CD22: variants seen among roughly 807,000 people sequenced by gnomAD.
CD22 encodes the protein CD22 molecule.
A neutral mutation model predicts 94.7 loss-of-function variants in CD22; 51 were observed. The observed-to-expected ratio is 0.54, with a 90% CI of 0.43 to 0.68. CD22 has a LOEUF of 0.68. CD22 is among the 30% of genes least tolerant of loss of function. The pLI, the probability that CD22 is intolerant of heterozygous loss-of-function variation, is 0.00. For synonymous variants in CD22, 424 were observed against 422.5 expected, an observed-to-expected ratio of 1.00 and a Z score of -0.04; for missense variants, 931 against 1,060.4, an observed-to-expected ratio of 0.88 and a Z score of 1.69.
rs1407293789 is a variant in CD22 at position 35,332,916 on chromosome 19, A to G, written c.404A>G (p.Asn135Ser). The change falls in exon 3 of 14, where the codon AAT (asparagine) becomes AGT (serine). Residue 135 changes from asparagine to serine, a missense_variant. Transcript: ENST00000085219. ...TEKWMERIHL[N>S]VSERPFPPHI... is the part of the protein sequence containing the mutation. ...AAATGGATGGAACGAATACACCTCA[A>G]TGTCTCTGGTAAGGCCTTCGGGGAG... is the stretch of plus-strand genomic sequence containing the variant. 4.3e-6 allele frequency: 7 copies of G among 1,613,232 alleles called. No individual in the cohort carries two copies. Among genetic ancestry groups the G allele is most frequent in the Admixed American group, 3.3e-5 (2 of 59,982 alleles).
Position 35,332,427 on chromosome 19 carries a change from C to T in CD22, c.35-120C>T, listed in dbSNP as rs1044320088. ...AGGAGTTCAAGGCCAGCTTGGACAA[C>T]ATAGCAAGACCCCTATCTCTAAAAA... On this transcript the variant is annotated intron_variant, in intron 2 of 13. Transcript: ENST00000085219. 9 of 1,092,924 alleles carry T rather than the reference C, an allele frequency of 8.2e-6. No homozygotes were observed. In the African/African-American group the frequency reaches 1.3e-4, roughly 15 times the overall value. The allele number at this position is 1,092,924 out of a possible 1,614,324, so 67.7% of individuals were successfully genotyped here.
rs370423783 is a variant in CD22 at position 35,332,649 on chromosome 19, A to G, written c.137A>G (p.Tyr46Cys). 2.0e-5 allele frequency: 33 copies of G among 1,614,086 alleles called. 1 individual carries two copies. The Middle Eastern group carries it at 6.6e-4, about 32-fold the overall frequency. ...EGACVWIPCTYRALDGDLESF... is the reference protein window; with the variant it reads ...EGACVWIPCTCRALDGDLESF... Reference sequence around the variant, plus strand: ...GCCTGCGTCTGGATCCCCTGCACCTACAGAGCCCTAGATGGTGACCTGGAA... The same window carrying G: ...GCCTGCGTCTGGATCCCCTGCACCTGCAGAGCCCTAGATGGTGACCTGGAA... The change falls in exon 3 of 14, where the codon TAC becomes TGC. Residue 46 changes from tyrosine (Y) to cysteine (C), a missense_variant. Tyr to Cys is a radical substitution (Grantham distance 194, BLOSUM62 -2). Coordinates refer to ENST00000085219, the MANE Select transcript of CD22 (RefSeq NM_001771.4).
At chr19:35,345,848 A>T (rs4805119) in intron 12 of CD22, 128 bp downstream of exon 12, 1 of 721,924 alleles carries the variant, frequency 1.4e-6, no homozygotes, top group Non-Finnish European at 2.4e-6. Context: ...CCTCATTCCC[A>T]CTCGGCAACA....
At chr19:35,339,671 C>A (rs1339596817) in intron 6 of CD22, among the ~76,000 whole-genome samples, 1 of 152,272 alleles carries the variant, frequency 6.6e-6, no homozygotes, top group South Asian at 2.1e-4. Flanking sequence ...GCCTGGCCAA[C>A]ATGGCGAAAC....
At chr19:35,336,436 TGCACAGACGGCGGCA>T in intron 4 of CD22, 95 bp downstream of exon 4, 1 of 1,249,036 alleles carries the variant, frequency 8.0e-7, no homozygotes, top group Non-Finnish European at 1.1e-6. Context: ...GGGGGAAGCC[TGCACAGACGGCGGCA>T]TCCTCCAGCC....
In CD22 at chr19:35,341,077, C is replaced by G; in HGVS notation, c.1446C>G (p.Ile482Met). ...ACGTTGGCTGGGACAACACAACCAT[C>G]GCCTGCGCAGCTTGTAATAGTTGGT... ...IQNVGWDNTT[I>M]ACAACNSWCS... Residue 482 changes from isoleucine (I) to methionine (M), a missense_variant, in exon 7 of 14, where the codon ATC (isoleucine) becomes ATG (methionine). Transcript: ENST00000085219. The surrounding 1 kb of genome is among the most constrained non-coding windows in gnomAD (Gnocchi z 4.0). 3 of 1,614,170 alleles carry G rather than the reference C, an allele frequency of 1.9e-6. No homozygotes were observed. The highest frequency in any genetic ancestry group is 2.5e-6 in the Non-Finnish European group (3 of 1,180,032).
Position 35,341,084 on chromosome 19 carries a change from G to A in CD22, c.1453G>A (p.Ala485Thr), listed in dbSNP as rs140331196. Reference sequence around the variant, plus strand: ...CTGGGACAACACAACCATCGCCTGCGCAGCTTGTAATAGTTGGTGCTCGTG... The same window carrying A: ...CTGGGACAACACAACCATCGCCTGCACAGCTTGTAATAGTTGGTGCTCGTG... ...VGWDNTTIACAACNSWCSWAS... is the reference protein window; with the variant it reads ...VGWDNTTIACTACNSWCSWAS... The change falls in exon 7 of 14, where the codon GCA (alanine) becomes ACA (threonine). Residue 485 changes from alanine to threonine, a missense_variant. Transcript: ENST00000085219. This position sits in a 1 kb window ranked among gnomAD's most constrained non-coding sequence, Gnocchi z 4.0. 10 of 1,614,148 alleles carry A rather than the reference G, an allele frequency of 6.2e-6. No homozygotes were observed. Among genetic ancestry groups the A allele is most frequent in the East Asian group, 2.2e-5 (1 of 44,884 alleles).
Position 35,346,799 on chromosome 19 carries a change from C to A in CD22, c.*102C>A. The A allele has an allele frequency of 1.0e-6, 1 of 1,001,764 alleles. No individual in the cohort carries two copies. The highest frequency in any genetic ancestry group is 1.5e-6 in the Non-Finnish European group (1 of 684,618). The allele number at this position is 1,001,764 out of a possible 1,614,324, so 62.1% of individuals were successfully genotyped here. The stretch of plus-strand genomic sequence containing the variant: ...CATGGCTTCCTCCTGCGCGCATGTG[C>A]GCACACACACACACACACGCACACA... On this transcript the variant is annotated 3_prime_UTR_variant, in exon 14 of 14. Transcript: ENST00000085219.
At chr19:35,340,716 G>T (rs1312598036) in intron 6 of CD22, among the ~76,000 whole-genome samples, 165 bp from the exon 7 acceptor site, 3 of 152,232 alleles carry the variant, frequency 2.0e-5, no homozygotes, top group African/African-American at 7.2e-5. Flanking sequence ...CCAGGGCAGG[G>T]TTTCTGTTCT....
chr19:35,339,517 G>A (rs185749497), intron 6 of CD22, among the ~76,000 whole-genome samples: 5 of 147,900 alleles, frequency 3.4e-5, no homozygotes, highest in South Asian at 2.2e-4. Flanking sequence ...TGATCATGCC[G>A]CTGCACTCCA....
In CD22 at chr19:35,341,311, G is replaced by A. The variant is rs79726843; in HGVS notation, c.1508-32G>A. On this transcript the variant is annotated intron_variant, in intron 7 of 13. Transcript: ENST00000085219. This position sits in a 1 kb window ranked among gnomAD's most constrained non-coding sequence, Gnocchi z 4.0. ...GGGGACAGCAAAAGGGACAGGGAGC[G>A]GAGAGGTCAGCTTGGGACCCTTGCC... 1.2e-4 allele frequency: 197 copies of A among 1,608,250 alleles called. No individual in the cohort carries two copies. The East Asian group carries it at 3.0e-3, about 24-fold the overall frequency.
Position 35,332,650 on chromosome 19 carries a change from C to T in CD22, c.138C>T (p.Tyr46=), listed in dbSNP as rs777890369. 1.2e-6 allele frequency: 2 copies of T among 1,614,108 alleles called. No individual in the cohort carries two copies. The highest frequency in any genetic ancestry group is 3.3e-5 in the Admixed American group (2 of 60,028). ...CCTGCGTCTGGATCCCCTGCACCTA[C>T]AGAGCCCTAGATGGTGACCTGGAAA... ...EGACVWIPCT[Y]RALDGDLESF... The change falls in exon 3 of 14, where the codon TAC becomes TAT. Residue 46 remains tyrosine (Y), a synonymous_variant. Coordinates refer to ENST00000085219, the MANE Select transcript of CD22 (RefSeq NM_001771.4).
chr19:35,342,572 C>T (rs1397116940), intron 9 of CD22, among the ~76,000 whole-genome samples: 2 of 152,144 alleles, frequency 1.3e-5, no homozygotes, highest in Non-Finnish European at 2.9e-5. Context: ...TGTCCCCTTT[C>T]CCATTCACAC....
rs149699063 is a variant in CD22 at position 35,336,000 on chromosome 19, C to T, written c.413-36C>T. On this transcript the variant is annotated intron_variant, in intron 3 of 13. Transcript: ENST00000085219. ...CCAGGTGTACGCTCACGTCCTCAGT[C>T]CCCCAGGCTCCTGCACGGGCTCTGT... 17 of 1,579,870 alleles carry T rather than the reference C, an allele frequency of 1.1e-5. No homozygotes were observed. In the African/African-American group the frequency reaches 1.9e-4, roughly 18 times the overall value.
In CD22 at chr19:35,336,027, C is replaced by T. The variant is rs747372893; in HGVS notation, c.413-9C>T. 4 of 1,610,724 alleles carry T rather than the reference C, an allele frequency of 2.5e-6. No homozygotes were observed. The highest frequency in any genetic ancestry group is 1.7e-5 in the Admixed American group (1 of 59,712). ...CCCAGGCTCCTGCACGGGCTCTGTT[C>T]TTTTGCAGAAAGGCCTTTTCCACCT... On this transcript the variant is annotated splice_polypyrimidine_tract_variant and intron_variant, in intron 3 of 13. Coordinates refer to ENST00000085219, the MANE Select transcript of CD22 (RefSeq NM_001771.4).
intron 9 of CD22, among the ~76,000 whole-genome samples, 182 bp downstream of exon 9, chr19:35,342,147 C>G (rs935228810): frequency 1.3e-5 from 2 of 150,840 alleles, no homozygotes; most frequent in Non-Finnish European, 3.0e-5. Flanking sequence ...CTCTCCTCCT[C>G]CTCTTTCTTC....
chr19:35,331,853 A>T, intron 1 of CD22, 166 bp from the exon 2 acceptor site: 1 of 1,417,808 alleles, frequency 7.1e-7, no homozygotes, highest in Non-Finnish European at 9.4e-7. Flanking sequence ...TCTCAAAAAA[A>T]AAGAAAGAAC....
chr19:35,343,571 A>G (rs66964307), intron 9 of CD22, among the ~76,000 whole-genome samples: 18,049 of 152,062 alleles, frequency 0.12, 1,374 homozygotes, highest in African/African-American at 0.22. Context: ...TTCTGTATCT[A>G]TGCATACACA....
rs1298005204 is a variant in CD22 at position 35,336,300 on chromosome 19, G to T, written c.677G>T (p.Gly226Val). Reference sequence around the variant, plus strand: ...ACCTGCCAGCTTCAGGATGCAGATGGGAAGTTCCTCTCCAATGACACGGTG... The same window carrying T: ...ACCTGCCAGCTTCAGGATGCAGATGTGAAGTTCCTCTCCAATGACACGGTG... ...IVTCQLQDADGKFLSNDTVQL... is the reference protein window; with the variant it reads ...IVTCQLQDADVKFLSNDTVQL... Residue 226 changes from glycine (G) to valine (V), a missense_variant, in exon 4 of 14, where the codon GGG becomes GTG. Coordinates refer to ENST00000085219, the MANE Select transcript of CD22 (RefSeq NM_001771.4). 2 of 1,614,106 alleles carry T rather than the reference G, an allele frequency of 1.2e-6. No individual in the cohort carries two copies.
Sources: allele counts gnomAD v4.1 joint callset (sites outside exome capture counted in the v4.1 genomes callset), GRCh38; gene constraint gnomAD v4.1.1; non-coding constraint Gnocchi (gnomAD v3.1); transcripts MANE v1.5; gene names NCBI Gene and HGNC (gene_info 2026-07-23, HGNC 2026-07-21).